Variants in SGK3 observed in about 807,000 individuals in gnomAD.
SGK3 encodes serum/glucocorticoid regulated kinase family member 3, also known as serine/threonine-protein kinase Sgk3.
A neutral mutation model predicts 68.5 loss-of-function variants in SGK3; 47 were observed. The ratio of observed to expected loss-of-function variants is 0.69; its 90% CI spans 0.54 to 0.87. The LOEUF (loss-of-function observed/expected upper bound fraction) is 0.87. Ranked by LOEUF, SGK3 falls within the 40% of genes least tolerant of loss-of-function variation. SGK3 has a pLI of 0.00. For synonymous variants in SGK3, 181 were observed against 189.1 expected, an observed-to-expected ratio of 0.96 and a Z score of 0.35; for missense variants, 479 against 575.5, an observed-to-expected ratio of 0.83 and a Z score of 1.72.
At chr8:66,809,244 C>T (rs1808286693) in intron 4 of SGK3, among the ~76,000 whole-genome samples, 1 of 152,134 alleles carries the variant, frequency 6.6e-6, no homozygotes. Flanking sequence ...CAAGTAGTAA[C>T]CAACACCCCT....
intron 1 of SGK3, among the ~76,000 whole-genome samples, chr8:66,779,213 G>GT (rs975368051): frequency 2.1e-4 from 32 of 152,098 alleles, no homozygotes; most frequent in Non-Finnish European, 4.0e-4. Context: ...GTTTTACTAA[G>GT]TTTGATATCA....
intron 1 of SGK3, among the ~76,000 whole-genome samples, chr8:66,724,658 T>A (rs1804926488): frequency 6.6e-6 from 1 of 152,206 alleles, no homozygotes; most frequent in South Asian, 2.1e-4. Flanking sequence ...CTGAAATTAT[T>A]TATTGCTTTC....
chr8:66,806,359 G>C (rs1237339207), intron 4 of SGK3, among the ~76,000 whole-genome samples: 1 of 152,034 alleles, frequency 6.6e-6, no homozygotes, highest in Non-Finnish European at 1.5e-5. Context: ...TTTAAAACTG[G>C]CAAATACTAG....
intron 5 of SGK3, among the ~76,000 whole-genome samples, chr8:66,822,037 C>T (rs377744416): frequency 6.7e-6 from 1 of 148,634 alleles, no homozygotes; most frequent in African/African-American, 2.5e-5. Flanking sequence ...TAACTTTTGC[C>T]AGGTAACGGA....
At chr8:66,857,944 T>C (rs1563664094) in intron 16 of SGK3, among the ~76,000 whole-genome samples, 1 of 151,974 alleles carries the variant, frequency 6.6e-6, no homozygotes, top group Non-Finnish European at 1.5e-5. Flanking sequence ...ATATCAGGAC[T>C]CGGAAGCCCT....
Position 66,843,585 on chromosome 8 carries a change from C to T in SGK3, c.1074+38C>T, listed in dbSNP as rs759183715. ...ATACCTCATTATTCCAATGTATTAT[C>T]ATTGATTTGATTGTCTGTCTGTCTC... On this transcript the variant is annotated intron_variant, in intron 14 of 16. Coordinates refer to ENST00000521198, the MANE Select transcript of SGK3 (RefSeq NM_001033578.3). 8.9e-6 allele frequency: 14 copies of T among 1,580,472 alleles called. No individual in the cohort carries two copies. The South Asian group carries it at 1.3e-4, about 15-fold the overall frequency.
chr8:66,774,020 A>G (rs11995256), intron 1 of SGK3, among the ~76,000 whole-genome samples: 18,884 of 151,978 alleles, frequency 0.12, 2,171 homozygotes, highest in African/African-American at 0.3. Context: ...AAAATTCCCA[A>G]TTTCTCTGAG....
intron 1 of SGK3, among the ~76,000 whole-genome samples, chr8:66,761,001 C>CA (rs1455248111): frequency 7.0e-6 from 1 of 143,618 alleles, no homozygotes; most frequent in Non-Finnish European, 1.5e-5. Context: ...TGGGCAACAA[C>CA]AGTGAAACTC....
At chr8:66,807,980 G>A (rs917422826) in intron 4 of SGK3, among the ~76,000 whole-genome samples, 5 of 151,914 alleles carry the variant, frequency 3.3e-5, no homozygotes, top group African/African-American at 1.2e-4. Flanking sequence ...ACCATTAAAT[G>A]GAAAAAAAAA....
intron 1 of SGK3, among the ~76,000 whole-genome samples, chr8:66,745,889 G>A (rs1805641582): frequency 1.3e-5 from 2 of 152,004 alleles, no homozygotes. Context: ...TCTCCTACAA[G>A]CCCTTTTTTT....
At chr8:66,848,483 A>G (rs771404203) in intron 15 of SGK3, among the ~76,000 whole-genome samples, 40 of 152,158 alleles carry the variant, frequency 2.6e-4, no homozygotes, top group Admixed American at 6.5e-4. Context: ...CTTGCCTTCT[A>G]TTTTGTAAGG....
chr8:66,831,397 A>T, intron 8 of SGK3, 86 bp downstream of exon 8: 2 of 1,509,262 alleles, frequency 1.3e-6, no homozygotes, highest in South Asian at 1.2e-5. Flanking sequence ...TCCAGGCTGG[A>T]GTGTAGTGGT....
In SGK3 at chr8:66,847,438, G is replaced by A. The variant is rs992015227; in HGVS notation, c.1230+90G>A. 19 of 1,526,230 alleles carry A rather than the reference G, an allele frequency of 1.2e-5. No homozygotes were observed. In the South Asian group the frequency reaches 2.0e-4, roughly 16 times the overall value. 94.5% of individuals were successfully genotyped at this position (1,526,230 alleles called of 1,614,324 possible). ...TATTTTATATGGTATTTAATGGAAT[G>A]AATACAATATGCGGAGAATAGCAAC... On this transcript the variant is annotated intron_variant, in intron 15 of 16. Coordinates refer to ENST00000521198, the MANE Select transcript of SGK3 (RefSeq NM_001033578.3).
At chr8:66,749,271 T>C (rs1292937451) in intron 1 of SGK3, among the ~76,000 whole-genome samples, 1 of 152,096 alleles carries the variant, frequency 6.6e-6, no homozygotes, top group African/African-American at 2.4e-5. Flanking sequence ...CCCAGCACTT[T>C]GGGAGGCCGA....
intron 1 of SGK3, among the ~76,000 whole-genome samples, chr8:66,783,695 C>A (rs1368987976): frequency 1.3e-5 from 2 of 151,618 alleles, no homozygotes; most frequent in African/African-American, 4.8e-5. Context: ...TTTTTTATTT[C>A]TTTATTTTTT....
At chr8:66,769,630 A>G (rs1806442126) in intron 1 of SGK3, among the ~76,000 whole-genome samples, 1 of 152,072 alleles carries the variant, frequency 6.6e-6, no homozygotes, top group Non-Finnish European at 1.5e-5. Context: ...TATCTGGTGT[A>G]TTTTCCACTT....
At chr8:66,808,880 A>G (rs1318286644) in intron 4 of SGK3, among the ~76,000 whole-genome samples, 1 of 147,598 alleles carries the variant, frequency 6.8e-6, no homozygotes, top group Non-Finnish European at 1.5e-5. Flanking sequence ...TTATTTATTT[A>G]TTTTTTGAGA....
intron 16 of SGK3, among the ~76,000 whole-genome samples, chr8:66,854,981 T>C (rs1008650886): frequency 3.3e-5 from 5 of 152,086 alleles, no homozygotes; most frequent in African/African-American, 1.2e-4. Flanking sequence ...AGACCCTGTC[T>C]CTAACAACAA....
At chr8:66,714,563 G>A (rs531842912) in intron 1 of SGK3, among the ~76,000 whole-genome samples, 30 of 152,206 alleles carry the variant, frequency 2.0e-4, no homozygotes, top group Admixed American at 3.3e-4. Context: ...TAAGTGAGCC[G>A]ATAAGCCTTA....
Sources: allele counts gnomAD v4.1 joint callset (sites outside exome capture counted in the v4.1 genomes callset), GRCh38; gene constraint gnomAD v4.1.1; transcripts MANE v1.5; gene names NCBI Gene and HGNC (gene_info 2026-07-23, HGNC 2026-07-21).